Variants in NALF1 observed in about 807,000 individuals in gnomAD.
NALF1 encodes NALCN channel auxiliary factor 1, also known as family with sequence similarity 155 member A.
Under a neutral mutation model 48.4 loss-of-function variants are expected in NALF1, and 3 were observed. The observed-to-expected ratio is 0.06, with a 90% CI of 0.03 to 0.16. The LOEUF is 0.16. Ranked by LOEUF, NALF1 falls within the 10% of genes least tolerant of loss-of-function variation. The pLI is 1.00. For synonymous variants in NALF1, 262 were observed against 245.7 expected, an observed-to-expected ratio of 1.07 and a Z score of -0.62; for missense variants, 526 against 571.5, an observed-to-expected ratio of 0.92 and a Z score of 0.81.
intron 1 of NALF1, among the ~76,000 whole-genome samples, chr13:107,458,589 AC>A (rs1215796519): frequency 6.6e-6 from 1 of 152,206 alleles, no homozygotes; most frequent in East Asian, 1.9e-4. Context: ...GCAGGCGAGC[AC>A]AAGGTGAGGT....
chr13:107,303,008 C>G (rs1232247785), intron 1 of NALF1, among the ~76,000 whole-genome samples: 3 of 152,194 alleles, frequency 2.0e-5, no homozygotes, highest in Admixed American at 2.0e-4. Flanking sequence ...ACTTGCATGA[C>G]GTGCTCCATG....
intron 2 of NALF1, among the ~76,000 whole-genome samples, chr13:107,173,721 G>GA (rs1276151649): frequency 1.3e-5 from 2 of 152,124 alleles, no homozygotes; most frequent in African/African-American, 4.8e-5. Flanking sequence ...TCATGAGGGC[G>GA]AATTTCCAAG....
At chr13:107,404,666 G>A (rs1016163802) in intron 1 of NALF1, among the ~76,000 whole-genome samples, 1 of 152,066 alleles carries the variant, frequency 6.6e-6, no homozygotes, top group Admixed American at 6.6e-5. Flanking sequence ...TATCTATCAT[G>A]TATACTTCAG....
At position 107,367,216 on chromosome 13, in the gene NALF1, C is replaced by T. The variant is rs139046073; in HGVS notation, c.916-156461G>A. Among the ~76,000 whole-genome samples, 1,254 of 152,270 alleles carry T rather than the reference C, an allele frequency of 8.2e-3. 22 individuals carry two copies. Among genetic ancestry groups the T allele is most frequent in the African/African-American group, 0.029 (1,198 of 41,550 alleles). On this transcript the variant is annotated intron_variant, in intron 1 of 2. Coordinates refer to ENST00000375915, the MANE Select transcript of NALF1 (RefSeq NM_001080396.3). Reference sequence around the variant, plus strand: ...CTCTTCTTACCACACACTTCATCTCCTTCATAAAACACAATTCAAGCATTA... The same window carrying T: ...CTCTTCTTACCACACACTTCATCTCTTTCATAAAACACAATTCAAGCATTA...
chr13:107,836,843 T>C (rs1364514915), intron 1 of NALF1, among the ~76,000 whole-genome samples: 2 of 152,186 alleles, frequency 1.3e-5, no homozygotes, highest in Non-Finnish European at 2.9e-5. Flanking sequence ...GGTGATGTTA[T>C]TCACAGCCCT....
chr13:107,481,169 G>T (rs748066726), intron 1 of NALF1, among the ~76,000 whole-genome samples: 9 of 152,106 alleles, frequency 5.9e-5, no homozygotes, highest in Non-Finnish European at 8.8e-5. Flanking sequence ...ATTACCACTG[G>T]ATTGATTGCT....
chr13:107,478,953 G>GT (rs1885213499), intron 1 of NALF1, among the ~76,000 whole-genome samples: 1 of 152,148 alleles, frequency 6.6e-6, no homozygotes, highest in Non-Finnish European at 1.5e-5. Flanking sequence ...TTCCATGAAA[G>GT]TAACAGTTCA....
At chr13:107,203,854 T>C (rs1879575077) in intron 2 of NALF1, among the ~76,000 whole-genome samples, 1 of 152,238 alleles carries the variant, frequency 6.6e-6, no homozygotes, top group South Asian at 2.1e-4. Context: ...TAACTTGAAC[T>C]ACGTTAGAAT....
intron 1 of NALF1, among the ~76,000 whole-genome samples, chr13:107,635,273 C>A (rs527978949): frequency 6.6e-6 from 1 of 152,054 alleles, no homozygotes; most frequent in African/African-American, 2.4e-5. Context: ...TTCCTCATGG[C>A]TCGGGAGGCC....
chr13:107,844,873 T>C (rs1880130884), intron 1 of NALF1, among the ~76,000 whole-genome samples: 2 of 152,176 alleles, frequency 1.3e-5, no homozygotes, highest in Non-Finnish European at 2.9e-5. Flanking sequence ...CAGGCCTGGA[T>C]ACCCAACAGT....
At chr13:107,624,652 G>C (rs1362644958) in intron 1 of NALF1, among the ~76,000 whole-genome samples, 5 of 152,150 alleles carry the variant, frequency 3.3e-5, no homozygotes, top group Admixed American at 3.3e-4. Context: ...TTTTTGCTGT[G>C]AAACTTTTGA....
intron 1 of NALF1, among the ~76,000 whole-genome samples, chr13:107,692,288 T>A (rs1881585863): frequency 6.6e-6 from 1 of 152,220 alleles, no homozygotes; most frequent in Admixed American, 6.5e-5. Flanking sequence ...CTTCCTTTGA[T>A]CAACATTGAA....
chr13:107,824,439 T>G (rs1219445812), intron 1 of NALF1, among the ~76,000 whole-genome samples: 2 of 152,178 alleles, frequency 1.3e-5, no homozygotes. Flanking sequence ...CTACCTGCAT[T>G]TTGGATGATG....
intron 1 of NALF1, among the ~76,000 whole-genome samples, chr13:107,547,654 C>G (rs1594122290): frequency 6.6e-6 from 1 of 152,140 alleles, no homozygotes; most frequent in East Asian, 1.9e-4. Flanking sequence ...AGAACACAGG[C>G]CTATGCTCCT....
intron 1 of NALF1, among the ~76,000 whole-genome samples, chr13:107,455,534 G>A (rs1385246877): frequency 6.6e-6 from 1 of 152,106 alleles, no homozygotes; most frequent in Admixed American, 6.5e-5. Context: ...CCTGCACTGA[G>A]ACATCATCAT....
At chr13:107,212,431 G>A (rs887843732) in intron 1 of NALF1, among the ~76,000 whole-genome samples, 1 of 152,146 alleles carries the variant, frequency 6.6e-6, no homozygotes, top group Non-Finnish European at 1.5e-5. Context: ...TACAATAGCC[G>A]AAGAAACCTC....
At chr13:107,633,339 C>T (rs918498544) in intron 1 of NALF1, among the ~76,000 whole-genome samples, 2 of 151,886 alleles carry the variant, frequency 1.3e-5, no homozygotes, top group African/African-American at 4.8e-5. Context: ...ATTGCTGACC[C>T]TGAGAAAATC....
At chr13:107,305,751 C>A (rs9301208) in intron 1 of NALF1, among the ~76,000 whole-genome samples, 119,621 of 152,160 alleles carry the variant, frequency 0.79, 47,607 homozygotes, top group Non-Finnish European at 0.85. Flanking sequence ...CAGACACAAA[C>A]AATATATATA....
chr13:107,395,070 A>G (rs1055651990), intron 1 of NALF1, among the ~76,000 whole-genome samples: 1 of 152,154 alleles, frequency 6.6e-6, no homozygotes, highest in Non-Finnish European at 1.5e-5. Flanking sequence ...CTTGCTAAAG[A>G]AATTAAGGGT....
Sources: gnomAD v4.1 joint callset for allele counts (sites outside exome capture counted in the v4.1 genomes callset) on GRCh38, gnomAD v4.1.1 for gene constraint, MANE v1.5 for transcripts, NCBI Gene and HGNC (gene_info 2026-07-23, HGNC 2026-07-21) for gene names.